The following SMOC2 variants were observed in gnomAD, a reference collection of about 807,000 sequenced individuals.
SMOC2 encodes SPARC related modular calcium binding 2, also known as SPARC-related modular calcium-binding protein 2.
In SMOC2, 39 loss-of-function variants were observed where a neutral mutation model predicts 61.4. The observed-to-expected ratio is 0.64, with a 90% confidence interval of 0.49 to 0.83. The LOEUF (loss-of-function observed/expected upper bound fraction) is 0.83, where lower values mean the gene tolerates loss of function less well. SMOC2 is among the 40% of genes least tolerant of loss of function. The pLI, the probability that SMOC2 is intolerant of heterozygous loss-of-function variation, is 0.00. For missense variants in SMOC2, 556 were observed against 592.9 expected (o/e 0.94, Z 0.65); for synonymous variants, 247 against 239.9 (o/e 1.03, Z -0.27).
In SMOC2 at chr6:168,574,036, G is replaced by C. The variant is rs186515684; in HGVS notation, c.638-24782G>C. On this transcript the variant is annotated intron_variant, in intron 7 of 12. Coordinates refer to ENST00000356284, the MANE Select transcript of SMOC2 (RefSeq NM_001166412.2). ...TTGCGCCCACCACAGGGGCTGACTG[G>C]GAAGAATGTCTTGCCCACCCTAGAA... Among the ~76,000 whole-genome samples the C allele has an allele frequency of 1.7e-3, 259 of 152,298 alleles. 1 individual carries two copies. Among genetic ancestry groups the C allele is most frequent in the Non-Finnish European group, 2.7e-3 (187 of 68,030 alleles).
At chr6:168,516,492 G>C (rs118023378) in intron 2 of SMOC2, among the ~76,000 whole-genome samples, 1 of 152,066 alleles carries the variant, frequency 6.6e-6, no homozygotes, top group African/African-American at 2.4e-5. Flanking sequence ...GCTTCTGAAC[G>C]GGCGAGTCTC....
At chr6:168,500,827 C>T (rs1782710178) in intron 1 of SMOC2, among the ~76,000 whole-genome samples, 1 of 152,198 alleles carries the variant, frequency 6.6e-6, no homozygotes, top group African/African-American at 2.4e-5. Flanking sequence ...GTGCTTCACA[C>T]TCATCCAGGG....
intron 7 of SMOC2, among the ~76,000 whole-genome samples, chr6:168,565,036 T>C (rs1377340916): frequency 1.3e-5 from 2 of 152,254 alleles, no homozygotes; most frequent in East Asian, 3.8e-4. Flanking sequence ...TTAAAAGGTA[T>C]AAATTTTGCA....
chr6:168,557,041 G>A (rs899831503), intron 7 of SMOC2, among the ~76,000 whole-genome samples: 2 of 151,676 alleles, frequency 1.3e-5, no homozygotes, highest in Non-Finnish European at 2.9e-5. Context: ...TTGTTATATC[G>A]GACATATTAA....
chr6:168,443,220 T>C (rs1182164283), intron 1 of SMOC2, among the ~76,000 whole-genome samples: 2 of 152,082 alleles, frequency 1.3e-5, no homozygotes, highest in Admixed American at 1.3e-4. Context: ...GGGGGTGGGG[T>C]TGGGCCTGTT....
chr6:168,510,369 A>G (rs1360278294), intron 2 of SMOC2, among the ~76,000 whole-genome samples: 3 of 152,300 alleles, frequency 2.0e-5, no homozygotes, highest in South Asian at 2.1e-4. Context: ...ATTATTCTCA[A>G]TAAGATTTCT....
chr6:168,584,736 C>T (rs972401456), intron 7 of SMOC2, among the ~76,000 whole-genome samples: 1 of 152,134 alleles, frequency 6.6e-6, no homozygotes, highest in Non-Finnish European at 1.5e-5. Flanking sequence ...CTTTTTCAGG[C>T]TTATGTAGAC....
intron 4 of SMOC2, among the ~76,000 whole-genome samples, chr6:168,530,637 A>ACCC (rs3064057): frequency 6.7e-5 from 8 of 120,258 alleles, no homozygotes; most frequent in South Asian, 2.8e-4. Context: ...TCACGGTGCA[A>ACCC]CCCCCCCCCC....
intron 9 of SMOC2, among the ~76,000 whole-genome samples, chr6:168,626,576 C>A (rs761397536): frequency 6.6e-6 from 1 of 152,224 alleles, no homozygotes; most frequent in Non-Finnish European, 1.5e-5. Flanking sequence ...CCTGTGTCTC[C>A]TCTGCATCAC....
rs549904215 is a variant in SMOC2 at position 168,667,165 on chromosome 6, A to G, written c.*727A>G. 1 of 152,194 alleles carries G rather than the reference A, an allele frequency of 6.6e-6. No individual in the cohort carries two copies. The highest frequency in any genetic ancestry group is 1.5e-5 in the Non-Finnish European group (1 of 68,054). The allele number at this position is 152,194 out of a possible 1,614,324, so 9.4% of individuals were successfully genotyped here. A position where few individuals can be genotyped will look rare whatever the true frequency, so the allele number is the denominator to read the frequency against. Reference sequence around the variant, plus strand: ...TCGTTCGGATGGTGGGAGGCTGCCTAGGAGGCAGTAAATCCAGTCACAGTG... The same window carrying G: ...TCGTTCGGATGGTGGGAGGCTGCCTGGGAGGCAGTAAATCCAGTCACAGTG... On this transcript the variant is annotated 3_prime_UTR_variant, in exon 13 of 13. Coordinates refer to ENST00000356284, the MANE Select transcript of SMOC2 (RefSeq NM_001166412.2).
chr6:168,605,557 A>T (rs1445060732), intron 8 of SMOC2, among the ~76,000 whole-genome samples: 2 of 152,156 alleles, frequency 1.3e-5, no homozygotes, highest in Non-Finnish European at 2.9e-5. Flanking sequence ...CAAGCAGAAT[A>T]CTGTCATGTA....
At chr6:168,573,655 G>C (rs1211018473) in intron 7 of SMOC2, among the ~76,000 whole-genome samples, 1 of 152,104 alleles carries the variant, frequency 6.6e-6, no homozygotes, top group Admixed American at 6.5e-5. Context: ...ATCTTCCTGG[G>C]AACTCCGTGG....
At chr6:168,447,579 G>A (rs535924432) in intron 1 of SMOC2, among the ~76,000 whole-genome samples, 1 of 152,094 alleles carries the variant, frequency 6.6e-6, no homozygotes, top group East Asian at 1.9e-4. Flanking sequence ...GCCCCCAGCC[G>A]AGGGCAGACA....
intron 2 of SMOC2, among the ~76,000 whole-genome samples, chr6:168,518,813 ATGTTTATG>A (rs1003048031): frequency 1.7e-4 from 24 of 142,354 alleles, no homozygotes; most frequent in Admixed American, 5.0e-4. Flanking sequence ...GTGTGAATGC[ATGTTTATG>A]TGAGTGCATG....
intron 7 of SMOC2, among the ~76,000 whole-genome samples, chr6:168,592,103 T>C (rs1420524780): frequency 2.6e-5 from 4 of 152,260 alleles, no homozygotes. Flanking sequence ...GTCCTGTGTC[T>C]ACCGGTCCCT....
intron 9 of SMOC2, among the ~76,000 whole-genome samples, chr6:168,642,994 T>G (rs985239762): frequency 9.2e-5 from 14 of 152,240 alleles, no homozygotes; most frequent in Non-Finnish European, 1.5e-4. Context: ...ATCAAAGCTG[T>G]GTTCCACATG....
rs73260628 is a variant in SMOC2 at position 168,570,380 on chromosome 6, G to A, written c.637+21177G>A. On this transcript the variant is annotated intron_variant, in intron 7 of 12. Coordinates refer to ENST00000356284, the MANE Select transcript of SMOC2 (RefSeq NM_001166412.2). ...GAATCGTCAGGCTGAGGCCCACCGC[G>A]GGGGCCGACTGTGGGAGGAACGTCT... 1.7e-3 allele frequency among the ~76,000 whole-genome samples: 252 copies of A among 152,232 alleles called. 1 individual carries two copies. The highest frequency in any genetic ancestry group is 5.8e-3 in the African/African-American group (241 of 41,550).
At chr6:168,649,407 A>G (rs1353288300) in intron 9 of SMOC2, among the ~76,000 whole-genome samples, 1 of 152,142 alleles carries the variant, frequency 6.6e-6, no homozygotes, top group Non-Finnish European at 1.5e-5. Context: ...GCAGAGCCCC[A>G]GGGAGAGGCA....
chr6:168,615,795 C>G (rs1190367160), intron 9 of SMOC2, among the ~76,000 whole-genome samples: 1 of 152,158 alleles, frequency 6.6e-6, no homozygotes, highest in Non-Finnish European at 1.5e-5. Flanking sequence ...TCTTGGGGCC[C>G]CAAGCAATTG....
Sources: allele counts gnomAD v4.1 joint callset (sites outside exome capture counted in the v4.1 genomes callset), GRCh38; gene constraint gnomAD v4.1.1; transcripts MANE v1.5; gene names NCBI Gene and HGNC (gene_info 2026-07-23, HGNC 2026-07-21).